AGBL4: variants seen among roughly 807,000 people sequenced by gnomAD.
The protein encoded by AGBL4 is AGBL carboxypeptidase 4.
Under a neutral mutation model 66.4 loss-of-function variants are expected in AGBL4, and 58 were observed. That is an observed-to-expected ratio of 0.87 (90% CI 0.71 to 1.09). The LOEUF is 1.09. Among genes scored for constraint, AGBL4 ranks in the 50% least tolerant of loss-of-function variants. The pLI is 0.00. For synonymous variants in AGBL4, 234 were observed against 222.9 expected, an observed-to-expected ratio of 1.05 and a Z score of -0.44; for missense variants, 579 against 631.0, an observed-to-expected ratio of 0.92 and a Z score of 0.88.
At chr1:49,397,448 T>G (rs1451850647) in intron 3 of AGBL4, among the ~76,000 whole-genome samples, 1 of 152,176 alleles carries the variant, frequency 6.6e-6, no homozygotes, top group East Asian at 1.9e-4. Flanking sequence ...AGTCAGGGAA[T>G]AGCAGAAGTC....
intron 3 of AGBL4, among the ~76,000 whole-genome samples, chr1:49,399,572 T>C (rs756859826): frequency 6.6e-6 from 1 of 152,156 alleles, no homozygotes; most frequent in Non-Finnish European, 1.5e-5. Context: ...TTGTAGTTTT[T>C]ATCTGCATTT....
chr1:49,422,785 C>A (rs992598433), intron 3 of AGBL4, among the ~76,000 whole-genome samples: 1 of 152,146 alleles, frequency 6.6e-6, no homozygotes, highest in African/African-American at 2.4e-5. Flanking sequence ...CTCATCCCCA[C>A]CCCCTTACCA....
At chr1:48,654,931 C>T (rs373021728) in intron 7 of AGBL4, among the ~76,000 whole-genome samples, 12 of 152,212 alleles carry the variant, frequency 7.9e-5, no homozygotes, top group African/African-American at 1.7e-4. Flanking sequence ...TGATGCCAGG[C>T]GCCCTTGTTA....
chr1:49,372,655 CTTTCTTTCTTTCTT>C (rs1433357716), intron 3 of AGBL4, among the ~76,000 whole-genome samples: 15 of 123,156 alleles, frequency 1.2e-4, no homozygotes, highest in South Asian at 4.9e-4. Context: ...TTCTTTCTTT[CTTTCTTTCTTTCTT>C]TCTTTCTTTC....
chr1:49,715,367 G>C (rs2124671816), intron 2 of AGBL4, among the ~76,000 whole-genome samples: 1 of 152,216 alleles, frequency 6.6e-6, no homozygotes, highest in East Asian at 1.9e-4. Flanking sequence ...GTCTATCATT[G>C]ATGGGCATTT....
At chr1:50,003,142 A>G (rs1660888355) in intron 1 of AGBL4, among the ~76,000 whole-genome samples, 1 of 152,252 alleles carries the variant, frequency 6.6e-6, no homozygotes, top group South Asian at 2.1e-4. Flanking sequence ...AGAATCATAT[A>G]CAAAAATAAC....
intron 6 of AGBL4, among the ~76,000 whole-genome samples, chr1:48,840,491 A>T (rs1207776606): frequency 6.6e-6 from 1 of 152,206 alleles, no homozygotes; most frequent in Non-Finnish European, 1.5e-5. Flanking sequence ...GCTTAAAATG[A>T]ATTTATGTAT....
rs542451347 is a variant in AGBL4, at chr1:49,276,395, T to A, written c.283-30531A>T. Among the ~76,000 whole-genome samples the A allele has an allele frequency of 1.1e-3, 164 of 152,278 alleles. 1 individual carries two copies. Among genetic ancestry groups the A allele is most frequent in the African/African-American group, 3.8e-3 (158 of 41,560 alleles). Reference sequence around the variant, plus strand: ...TGTGAAACTTTTCAAAGTTTCAAAGTAGAGACTCAAGGATATCAAAATATT... The same window carrying A: ...TGTGAAACTTTTCAAAGTTTCAAAGAAGAGACTCAAGGATATCAAAATATT... On this transcript the variant is annotated intron_variant, in intron 3 of 13. Coordinates refer to ENST00000371839, the MANE Select transcript of AGBL4 (RefSeq NM_032785.4).
intron 2 of AGBL4, among the ~76,000 whole-genome samples, chr1:49,834,024 G>T (rs534458033): frequency 1.3e-5 from 2 of 152,216 alleles, no homozygotes; most frequent in Admixed American, 6.5e-5. Context: ...TGTTCATCAG[G>T]GATATTGGCC....
At chr1:49,483,631 A>T (rs1170443264) in intron 3 of AGBL4, among the ~76,000 whole-genome samples, 1 of 152,080 alleles carries the variant, frequency 6.6e-6, no homozygotes, top group African/African-American at 2.4e-5. Context: ...AATCTACCTT[A>T]AACTATAAAA....
chr1:48,839,637 G>A (rs1260545560), intron 6 of AGBL4, among the ~76,000 whole-genome samples: 2 of 152,058 alleles, frequency 1.3e-5, no homozygotes, highest in Admixed American at 6.6e-5. Flanking sequence ...CACAGGAGTT[G>A]GTGATGAATT....
At chr1:49,291,954 C>T (rs1373679943) in intron 3 of AGBL4, among the ~76,000 whole-genome samples, 1 of 152,236 alleles carries the variant, frequency 6.6e-6, no homozygotes, top group Non-Finnish European at 1.5e-5. Context: ...CCTACCCCCA[C>T]CTTGGGCACA....
chr1:49,880,299 C>T (rs1647182608), intron 1 of AGBL4, among the ~76,000 whole-genome samples: 2 of 151,774 alleles, frequency 1.3e-5, no homozygotes, highest in South Asian at 4.2e-4. Flanking sequence ...GTTTTATCTA[C>T]TTTTGGTCTT....
intron 2 of AGBL4, among the ~76,000 whole-genome samples, chr1:49,738,852 T>A (rs1650144279): frequency 6.6e-6 from 1 of 152,152 alleles, no homozygotes; most frequent in Non-Finnish European, 1.5e-5. Context: ...GTCCTGACTG[T>A]TAGAAGGAAA....
intron 3 of AGBL4, among the ~76,000 whole-genome samples, chr1:49,613,145 T>C (rs1645184821): frequency 6.6e-6 from 1 of 151,978 alleles, no homozygotes; most frequent in Non-Finnish European, 1.5e-5. Context: ...AACCAAATAC[T>C]GCATGCTGTC....
At chr1:49,779,548 T>C (rs1265804111) in intron 2 of AGBL4, among the ~76,000 whole-genome samples, 3 of 151,782 alleles carry the variant, frequency 2.0e-5, no homozygotes, top group Admixed American at 2.0e-4. Context: ...TGAGTAAGAG[T>C]GGGAAAACCA....
chr1:49,590,834 G>A (rs1644738431), intron 3 of AGBL4, among the ~76,000 whole-genome samples: 2 of 151,956 alleles, frequency 1.3e-5, no homozygotes, highest in Non-Finnish European at 2.9e-5. Context: ...AATATCAACT[G>A]AGAATGAAAT....
At chr1:49,667,449 C>A (rs543727218) in intron 3 of AGBL4, among the ~76,000 whole-genome samples, 49 of 151,798 alleles carry the variant, frequency 3.2e-4, no homozygotes, top group African/African-American at 1.1e-3. Context: ...CAAAATGAGA[C>A]CCTGTCTCAA....
chr1:48,902,383 G>A (rs867688790), intron 5 of AGBL4, among the ~76,000 whole-genome samples: 120 of 152,306 alleles, frequency 7.9e-4, no homozygotes, highest in African/African-American at 2.9e-3. Context: ...ACAATGAACA[G>A]TTAGAAGACT....
Sources: gnomAD v4.1 joint callset for allele counts (sites outside exome capture counted in the v4.1 genomes callset) on GRCh38, gnomAD v4.1.1 for gene constraint, MANE v1.5 for transcripts, NCBI Gene and HGNC (gene_info 2026-07-23, HGNC 2026-07-21) for gene names.